PRDM16: variants seen among roughly 807,000 people sequenced by gnomAD.
The protein encoded by PRDM16 is histone-lysine N-methyltransferase PRDM16.
In PRDM16, 23 loss-of-function variants were observed where a neutral mutation model predicts 110.6. That is an observed-to-expected ratio of 0.21 (90% CI 0.15 to 0.29). PRDM16 has a LOEUF of 0.29. Among genes scored for constraint, PRDM16 ranks in the 10% least tolerant of loss-of-function variants. PRDM16 has a pLI of 1.00. For missense variants in PRDM16, 1,615 were observed against 1,794.3 expected (o/e 0.90, Z 1.81); for synonymous variants, 799 against 781.8 (o/e 1.02, Z -0.37).
At position 3,430,944 on chromosome 1, in the gene PRDM16, G is replaced by C. The variant is rs756442796; in HGVS notation, c.3357G>C (p.Glu1119Asp). ...CCAGTGAGAAGCAGGAGGACGTGGA[G>C]GAGGAGGACGACGATGACCTGGAGG... ...GLASEKQEDV[E>D]EEDDDDLEED... The change falls in exon 15 of 17, where the codon GAG (glutamate) becomes GAC (aspartate). Residue 1119 changes from glutamate to aspartate, a missense_variant. Physicochemically the swap from Glu to Asp is conservative, Grantham distance 45. Around this residue, in one of 5 missense-constraint regions of PRDM16, gnomAD observed 327 missense variants for 359.3 expected, o/e 0.91. Coordinates refer to ENST00000270722, the MANE Select transcript of PRDM16 (RefSeq NM_022114.4). 3.3e-5 allele frequency: 53 copies of C among 1,613,926 alleles called. No homozygotes were observed. In the Middle Eastern group the frequency reaches 1.2e-3, roughly 35 times the overall value.
chr1:3,425,649 A>G lies in PRDM16; in HGVS notation c.3008A>G (p.Asn1003Ser). 5 of 1,613,912 alleles carry G rather than the reference A, an allele frequency of 3.1e-6. No homozygotes were observed. Among genetic ancestry groups the G allele is most frequent in the Non-Finnish European group, 4.2e-6 (5 of 1,179,946 alleles). Reference sequence around the variant, plus strand: ...CAGCGGCACGTCCGGAACATCCACAACAAGGAGAAGCCTTTCAAGTGCCAC... The same window carrying G: ...CAGCGGCACGTCCGGAACATCCACAGCAAGGAGAAGCCTTTCAAGTGCCAC... Reference protein sequence around the residue: ...NLQRHVRNIHNKEKPFKCHLC... With the variant: ...NLQRHVRNIHSKEKPFKCHLC... Residue 1003 changes from asparagine (N) to serine (S), a missense_variant, in exon 13 of 17, where the codon AAC becomes AGC. Asn to Ser is a conservative substitution (Grantham distance 46). This residue lies in a region of PRDM16 where 18 missense variants were observed against 75.2 expected (regional missense o/e 0.24). Coordinates refer to ENST00000270722, the MANE Select transcript of PRDM16 (RefSeq NM_022114.4). The surrounding 1 kb of genome is among the most constrained non-coding windows in gnomAD (Gnocchi z 6.9).
rs868847291 is a variant in PRDM16, at chr1:3,165,500, G to C, written c.38-20625G>C. ...GGACAGTGACTCACCTGGGCTCAGG[G>C]ACAGGGACTCACCTGGGCTCAGGGA... On this transcript the variant is annotated intron_variant, in intron 1 of 16. Transcript: ENST00000270722. 2.2e-3 allele frequency among the ~76,000 whole-genome samples: 185 copies of C among 83,280 alleles called. 41 individuals carry two copies. Among genetic ancestry groups the C allele is most frequent in the East Asian group, 9.4e-3 (22 of 2,334 alleles). The allele number at this position is 83,280 out of a possible 152,430, so 54.6% of individuals were successfully genotyped here. A position where few individuals can be genotyped will look rare whatever the true frequency, so the allele number is the denominator to read the frequency against.
rs192500766 is a variant in PRDM16, at chr1:3,358,552, C to A, written c.439-26600C>A. On this transcript the variant is annotated intron_variant, in intron 3 of 16. Transcript: ENST00000270722. This position sits in a 1 kb window ranked among gnomAD's most constrained non-coding sequence, Gnocchi z 4.0. ...CCTTTCCCGTCACCAGGCAGAGCCCCGAATTCTCCACTGGGGCCGGAAGAG... is the reference window on the plus strand; with the variant it reads ...CCTTTCCCGTCACCAGGCAGAGCCCAGAATTCTCCACTGGGGCCGGAAGAG... Among the ~76,000 whole-genome samples the A allele has an allele frequency of 3.5e-4, 54 of 152,304 alleles. No homozygotes were observed. Among genetic ancestry groups the A allele is most frequent in the Non-Finnish European group, 4.4e-5 (3 of 68,032 alleles).
intron 3 of PRDM16, among the ~76,000 whole-genome samples, chr1:3,251,085 C>T (rs1038124136): frequency 1.3e-5 from 2 of 152,220 alleles, no homozygotes; most frequent in Admixed American, 6.5e-5. Flanking sequence ...TAGAAGGACA[C>T]ACTCAGACGC....
chr1:3,420,289 C>T (rs1192765909), intron 12 of PRDM16, among the ~76,000 whole-genome samples: 1 of 152,184 alleles, frequency 6.6e-6, no homozygotes, highest in African/African-American at 2.4e-5. Flanking sequence ...TCTGGACTGG[C>T]TTTGATAATC....
chr1:3,085,695 C>T (rs1416505490), intron 1 of PRDM16, among the ~76,000 whole-genome samples: 1 of 152,232 alleles, frequency 6.6e-6, no homozygotes, highest in Non-Finnish European at 1.5e-5. Flanking sequence ...TGTGTGTCCT[C>T]CTGGAGGCCA....
rs749731166 is a variant in PRDM16, at chr1:3,114,153, GCACACA to G, written c.37+44863_37+44868del. Among the ~76,000 whole-genome samples, 18 of 142,634 alleles carry G rather than the reference GCACACA, an allele frequency of 1.3e-4. 1 individual carries two copies. The East Asian group carries it at 2.9e-3, about 23-fold the overall frequency. 93.6% of individuals were successfully genotyped at this position (142,634 alleles called of 152,430 possible). A position where few individuals can be genotyped will look rare whatever the true frequency, so the allele number is the denominator to read the frequency against. ...GTGTATCTCTGCACACTGCACACAC[GCACACA>G]CACACGCACACACACGCACACACAC... On this transcript the variant is annotated intron_variant, in intron 1 of 16. Transcript: ENST00000270722.
At chr1:3,394,514 C>A (rs1209371939) in intron 4 of PRDM16, 2 of 418,620 alleles carry the variant, frequency 4.8e-6, no homozygotes, top group Non-Finnish European at 4.8e-6. Context: ...GTGGGTGGTG[C>A]GGCCTGGAGT....
chr1:3,118,377 T>C (rs1569601536), intron 1 of PRDM16, among the ~76,000 whole-genome samples: 2 of 152,154 alleles, frequency 1.3e-5, no homozygotes, highest in African/African-American at 4.8e-5. Context: ...ACCTGGCCCC[T>C]CGGAAGCGTG....
chr1:3,361,681 T>C (rs1053498926), intron 3 of PRDM16, among the ~76,000 whole-genome samples: 2 of 151,602 alleles, frequency 1.3e-5, no homozygotes, highest in East Asian at 1.9e-4. Context: ...TGGGCTGGGG[T>C]GAAGAGTGGA....
intron 3 of PRDM16, among the ~76,000 whole-genome samples, chr1:3,251,197 C>T (rs1639921204): frequency 6.6e-6 from 1 of 151,738 alleles, no homozygotes; most frequent in South Asian, 2.1e-4. Context: ...GCCCTTTGGA[C>T]CTGGTTCTGC....
At chr1:3,100,100 G>A (rs1305533488) in intron 1 of PRDM16, among the ~76,000 whole-genome samples, 1 of 152,134 alleles carries the variant, frequency 6.6e-6, no homozygotes, top group Non-Finnish European at 1.5e-5. Flanking sequence ...TCTCTGACAG[G>A]TGGCCGTCCC....
At chr1:3,120,670 A>G (rs1286467901) in intron 1 of PRDM16, among the ~76,000 whole-genome samples, 1 of 151,934 alleles carries the variant, frequency 6.6e-6, no homozygotes, top group Admixed American at 6.6e-5. Context: ...TCTGCGCTGG[A>G]GCTTCTGACA....
chr1:3,220,743 C>G (rs1639132858), intron 2 of PRDM16, among the ~76,000 whole-genome samples: 1 of 152,168 alleles, frequency 6.6e-6, no homozygotes, highest in African/African-American at 2.4e-5. Flanking sequence ...CAAACAGGAA[C>G]CCAAACAGGG....
At chr1:3,414,536 G>A (rs751691759) in intron 9 of PRDM16, 24 bp from the exon 10 acceptor site, 19 of 1,596,236 alleles carry the variant, frequency 1.2e-5, no homozygotes, top group South Asian at 1.1e-4. Flanking sequence ...GGTGGGGTAC[G>A]TAACCCTCTG....
chr1:3,126,884 G>A (rs1397906067), intron 1 of PRDM16, among the ~76,000 whole-genome samples: 1 of 152,210 alleles, frequency 6.6e-6, no homozygotes, highest in Non-Finnish European at 1.5e-5. Flanking sequence ...GTCAGGCCCG[G>A]GCCCGCTGTC....
At chr1:3,207,460 C>T (rs1638779379) in intron 2 of PRDM16, 1 of 152,254 alleles carries the variant, frequency 6.6e-6, no homozygotes, top group Non-Finnish European at 1.5e-5. Flanking sequence ...AGTCACCAGG[C>T]AGGCGTGATA....
chr1:3,202,390 G>C (rs944014608), intron 2 of PRDM16, among the ~76,000 whole-genome samples: 1 of 151,514 alleles, frequency 6.6e-6, no homozygotes, highest in Non-Finnish European at 1.5e-5. Flanking sequence ...GGGGAGGCTG[G>C]GGGAACTTGG....
intron 1 of PRDM16, among the ~76,000 whole-genome samples, chr1:3,077,350 C>T (rs1483864986): frequency 1.3e-5 from 2 of 152,216 alleles, no homozygotes; most frequent in African/African-American, 2.4e-5. Context: ...CCCAGCCCCA[C>T]GCTGGCCTGG....
Sources: gnomAD v4.1 joint callset for allele counts (sites outside exome capture counted in the v4.1 genomes callset) on GRCh38, gnomAD v4.1.1 for gene constraint, gnomAD v4.1.1 regional missense constraint, Gnocchi (gnomAD v3.1) non-coding constraint, MANE v1.5 for transcripts, NCBI Gene and HGNC (gene_info 2026-07-23, HGNC 2026-07-21) for gene names.